ADARB2: variants seen among roughly 807,000 people sequenced by gnomAD.
The protein encoded by ADARB2 is inactive double-stranded RNA-specific editase B2.
A neutral mutation model predicts 62.2 loss-of-function variants in ADARB2; 25 were observed. The observed-to-expected ratio is 0.40, with a 90% confidence interval of 0.29 to 0.56. The LOEUF is 0.56. ADARB2 is among the 20% of genes least tolerant of loss of function. ADARB2 has a pLI of 0.43. For synonymous variants in ADARB2, 572 were observed against 500.8 expected, an observed-to-expected ratio of 1.14 and a Z score of -1.90; for missense variants, 1,071 against 1,077.4, an observed-to-expected ratio of 0.99 and a Z score of 0.08.
intron 4 of ADARB2, among the ~76,000 whole-genome samples, chr10:1,262,319 TAAAAG>T (rs1360986844): frequency 7.2e-6 from 1 of 138,570 alleles, no homozygotes; most frequent in East Asian, 2.0e-4. Flanking sequence ...ATAATAATAA[TAAAAG>T]AAACCACCAT....
At chr10:1,227,183 C>A (rs1215802387) in intron 6 of ADARB2, among the ~76,000 whole-genome samples, 1 of 152,322 alleles carries the variant, frequency 6.6e-6, no homozygotes, top group African/African-American at 2.4e-5. Context: ...AGCGAGACTC[C>A]GTGGGTGTAG....
At chr10:1,691,181 AGAG>A (rs1382619227) in intron 1 of ADARB2, among the ~76,000 whole-genome samples, 1 of 152,136 alleles carries the variant, frequency 6.6e-6, no homozygotes, top group Non-Finnish European at 1.5e-5. Flanking sequence ...CCTGATAAGA[AGAG>A]GAGATTGGGG....
chr10:1,443,667 A>T (rs1830928862), intron 1 of ADARB2, among the ~76,000 whole-genome samples: 1 of 152,202 alleles, frequency 6.6e-6, no homozygotes, highest in Admixed American at 6.5e-5. Context: ...GTATGAGTTT[A>T]GCTGATTTCG....
In ADARB2 at chr10:1,529,254, C is replaced by T. The variant is rs375178058; in HGVS notation, c.101-150094G>A. ...CAACACAAATCCTCCAATCAGTCCA[C>T]GCACCATGCCCAACACCAATCCTCC... On this transcript the variant is annotated intron_variant, in intron 1 of 9. Transcript: ENST00000381312. Among the ~76,000 whole-genome samples the T allele has an allele frequency of 1.1e-3, 139 of 124,176 alleles. 1 individual carries two copies. The highest frequency in any genetic ancestry group is 4.0e-3 in the Middle Eastern group (1 of 248). 81.5% of individuals were successfully genotyped at this position (124,176 alleles called of 152,430 possible). A position where few individuals can be genotyped will look rare whatever the true frequency, so the allele number is the denominator to read the frequency against.
At chr10:1,273,305 C>A (rs756293062) in intron 3 of ADARB2, among the ~76,000 whole-genome samples, 1 of 152,140 alleles carries the variant, frequency 6.6e-6, no homozygotes, top group Non-Finnish European at 1.5e-5. Context: ...CTGCTGCCCA[C>A]GCTGGAGTGC....
intron 4 of ADARB2, among the ~76,000 whole-genome samples, chr10:1,261,777 C>A (rs995557447): frequency 6.7e-6 from 1 of 150,218 alleles, no homozygotes; most frequent in Non-Finnish European, 1.5e-5. Flanking sequence ...TTTGACCCAG[C>A]CATTCCATTA....
chr10:1,662,860 C>A (rs1055466675), intron 1 of ADARB2, among the ~76,000 whole-genome samples: 1 of 152,210 alleles, frequency 6.6e-6, no homozygotes, highest in Non-Finnish European at 1.5e-5. Context: ...TGGCTCCTGA[C>A]GGGCAGCGGC....
chr10:1,178,754 A>T lies in ADARB2; in HGVS notation c.*4439T>A, dbSNP rs1009875922. On this transcript the variant is annotated 3_prime_UTR_variant, in exon 10 of 10. Coordinates refer to ENST00000381312, the MANE Select transcript of ADARB2 (RefSeq NM_018702.4). ...AGCTCTGCAAAAACTGCAGGCGAGG[A>T]CAGGCTTTGGAGGTATGTGGGATGG... The T allele has an allele frequency of 6.6e-6, 1 of 152,186 alleles. No homozygotes were observed. The highest frequency in any genetic ancestry group is 6.5e-5 in the Admixed American group (1 of 15,274). The allele number at this position is 152,186 out of a possible 1,614,324, so 9.4% of individuals were successfully genotyped here.
intron 7 of ADARB2, among the ~76,000 whole-genome samples, chr10:1,215,436 A>G (rs1233669811): frequency 2.0e-5 from 3 of 152,248 alleles, no homozygotes; most frequent in Non-Finnish European, 1.5e-5. Context: ...ATCAGAGGTG[A>G]TGCCCCGGGT....
intron 1 of ADARB2, among the ~76,000 whole-genome samples, chr10:1,636,145 C>T (rs147797240): frequency 0.013 from 1,978 of 152,082 alleles, 28 homozygotes; most frequent in Non-Finnish European, 0.018. Context: ...CTCAACGGAG[C>T]GAGTTGAGGG....
intron 1 of ADARB2, among the ~76,000 whole-genome samples, chr10:1,722,884 C>T (rs17156855): frequency 6.6e-6 from 1 of 152,202 alleles, no homozygotes. Context: ...AGCAAAAGCA[C>T]AGTGGAGTGT....
At chr10:1,386,615 CTTG>C (rs1440976933) in intron 1 of ADARB2, among the ~76,000 whole-genome samples, 1 of 151,914 alleles carries the variant, frequency 6.6e-6, no homozygotes, top group African/African-American at 2.4e-5. Context: ...TAATATAATA[CTTG>C]TTGGTGTTTA....
rs1352690097 is a variant in ADARB2 at position 1,217,119 on chromosome 10, A to C, written c.1514T>G (p.Leu505Arg). Residue 505 changes from leucine (L) to arginine (R), a missense_variant and splice_region_variant, in exon 7 of 10, where the codon CTG (leucine) becomes CGG (arginine). Leu to Arg is a moderately radical substitution (Grantham distance 102). Coordinates refer to ENST00000381312, the MANE Select transcript of ADARB2 (RefSeq NM_018702.4). The stretch of plus-strand genomic sequence containing the variant: ...CCTGACGAGGTGTTTGCTGCTGTGC[A>C]CTAGGAGATAAAAGGGCGGGGAGGG... Reference protein sequence around the residue: ...LHSPYEITTDLHSSKHLVRKF... With the variant: ...LHSPYEITTDRHSSKHLVRKF... 1 of 1,586,894 alleles carries C rather than the reference A, an allele frequency of 6.3e-7. No individual in the cohort carries two copies. The highest frequency in any genetic ancestry group is 2.3e-5 in the East Asian group (1 of 43,450).
rs1019571820 is a variant in ADARB2 at position 1,363,820 on chromosome 10, G to T, written c.285C>A (p.Gly95=). ...SGDRARGGAP[G]AKRKRPLEEG... ...CCTCCAGCGGCCGCTTCCTCTTCGC[G>T]CCGGGCGCGCCGCCCCGGGCCCGGT... The change falls in exon 3 of 10, where the codon GGC becomes GGA. Residue 95 remains glycine (G), a synonymous_variant. Transcript: ENST00000381312. 4 of 1,578,496 alleles carry T rather than the reference G, an allele frequency of 2.5e-6. No homozygotes were observed. Among genetic ancestry groups the T allele is most frequent in the East Asian group, 2.3e-5 (1 of 43,774 alleles).
intron 1 of ADARB2, among the ~76,000 whole-genome samples, chr10:1,658,238 CTCTG>C (rs758092957): frequency 2.0e-5 from 3 of 151,730 alleles, no homozygotes; most frequent in Admixed American, 1.3e-4. Flanking sequence ...TTCTCTCTCT[CTCTG>C]TATGTCTCTC....
chr10:1,312,022 C>A (rs142879206), intron 3 of ADARB2, among the ~76,000 whole-genome samples: 7 of 152,178 alleles, frequency 4.6e-5, no homozygotes, highest in Non-Finnish European at 1.0e-4. Flanking sequence ...TTCTGCTTCA[C>A]GAGCACTACC....
At chr10:1,729,950 T>C (rs556054094) in intron 1 of ADARB2, among the ~76,000 whole-genome samples, 1 of 152,332 alleles carries the variant, frequency 6.6e-6, no homozygotes, top group East Asian at 1.9e-4. Context: ...TCATCTCAAA[T>C]AAATGGAGCA....
chr10:1,587,799 G>A (rs1023385634), intron 1 of ADARB2, among the ~76,000 whole-genome samples: 8 of 152,104 alleles, frequency 5.3e-5, no homozygotes, highest in Non-Finnish European at 8.8e-5. Flanking sequence ...TCATGGGGGC[G>A]GTTCCCCCTG....
intron 1 of ADARB2, among the ~76,000 whole-genome samples, chr10:1,694,225 C>G (rs150989443): frequency 2.0e-4 from 30 of 152,174 alleles, no homozygotes; most frequent in African/African-American, 7.0e-4. Flanking sequence ...ATTCTCTACA[C>G]AGAAATATTG....
Sources: gnomAD v4.1 joint callset for allele counts (sites outside exome capture counted in the v4.1 genomes callset) on GRCh38, gnomAD v4.1.1 for gene constraint, MANE v1.5 for transcripts, NCBI Gene and HGNC (gene_info 2026-07-23, HGNC 2026-07-21) for gene names.